The following LARGE1 variants were observed in gnomAD, a reference collection of about 807,000 sequenced individuals.
The protein encoded by LARGE1 is LARGE xylosyl- and glucuronyltransferase 1, also known as xylosyl- and glucuronyltransferase LARGE1.
LARGE1 carries 43 observed loss-of-function variants against 87.6 expected under a neutral mutation model. The observed-to-expected ratio is 0.49, with a 90% confidence interval of 0.38 to 0.63. The LOEUF (loss-of-function observed/expected upper bound fraction) is 0.63. LARGE1 is among the 30% of genes least tolerant of loss of function. The probability of loss-of-function intolerance (pLI) is 0.00; values close to 1 mark genes in which losing one functional copy is unlikely to be tolerated. For missense variants in LARGE1, 802 were observed against 1,000.2 expected (o/e 0.80, Z 2.67); for synonymous variants, 434 against 394.6 (o/e 1.10, Z -1.18).
At chr22:33,700,446 A>G (rs1375589859) in intron 2 of LARGE1, among the ~76,000 whole-genome samples, 1 of 152,174 alleles carries the variant, frequency 6.6e-6, no homozygotes, top group Non-Finnish European at 1.5e-5. Context: ...CACAATCCAA[A>G]GTGGTATGTG....
At position 33,197,285 on chromosome 22, in the gene LARGE1, C is replaced by A. The variant is rs112041276; in HGVS notation, c.1731-30453G>T. Among the ~76,000 whole-genome samples the A allele has an allele frequency of 1.6e-3, 249 of 152,108 alleles. 1 individual carries two copies. Among genetic ancestry groups the A allele is most frequent in the African/African-American group, 5.8e-3 (240 of 41,522 alleles). On this transcript the variant is annotated intron_variant, in intron 11 of 11. Transcript: ENST00000608642. ...TTCGATTTTGTATAAGAGGTTCCAG[C>A]AGTGCAGTAAGGCAAAGATACATAA...
chr22:33,886,973 T>C (rs767052733), intron 1 of LARGE1, among the ~76,000 whole-genome samples: 5 of 151,924 alleles, frequency 3.3e-5, no homozygotes, highest in Non-Finnish European at 7.4e-5. Context: ...GCTTTACAAA[T>C]ACAGAAGGCA....
chr22:33,470,257 A>G (rs1009525050), intron 6 of LARGE1, among the ~76,000 whole-genome samples: 1 of 152,124 alleles, frequency 6.6e-6, no homozygotes, highest in Non-Finnish European at 1.5e-5. Flanking sequence ...TAATTTACTT[A>G]TATCACAAAC....
At chr22:33,300,211 C>T (rs1476363163) in intron 12 of LARGE1, among the ~76,000 whole-genome samples, 1 of 152,160 alleles carries the variant, frequency 6.6e-6, no homozygotes, top group African/African-American at 2.4e-5. Context: ...TCCTCTAATG[C>T]TAACATTTAA....
Position 33,304,297 on chromosome 22 carries a change from G to A in LARGE1, c.1662C>T (p.Ile554=). 2 of 1,614,272 alleles carry A rather than the reference G, an allele frequency of 1.2e-6. No homozygotes were observed. The highest frequency in any genetic ancestry group is 1.7e-6 in the Non-Finnish European group (2 of 1,180,044). The change falls in exon 12 of 15, where the codon ATC becomes ATT. Residue 554 remains isoleucine (I), a synonymous_variant. Transcript: ENST00000397394. ...CAGACAGGAACATGTAGGGAGTGCTGATGTGCTTCATGGCCACGTTGCGCA... is the reference window on the plus strand; with the variant it reads ...CAGACAGGAACATGTAGGGAGTGCTAATGTGCTTCATGGCCACGTTGCGCA... ...NLLRNVAMKH[I]STPYMFLSDI...
At position 33,780,144 on chromosome 22, in the gene LARGE1, C is replaced by T. The variant is rs937475339; in HGVS notation, c.-82-18586G>A. On this transcript the variant is annotated intron_variant, in intron 1 of 14. Transcript: ENST00000397394. ...CGCGACATTGTGCCTGTGTGCACGT[C>T]TGTGTCCAAACTTCCCGTTACAAGG... 2.6e-5 allele frequency among the ~76,000 whole-genome samples: 4 copies of T among 152,316 alleles called. No homozygotes were observed. In the East Asian group the frequency reaches 7.7e-4, roughly 29 times the overall value.
chr22:33,861,914 A>G (rs1036527353), intron 1 of LARGE1, among the ~76,000 whole-genome samples: 31 of 131,244 alleles, frequency 2.4e-4, no homozygotes, highest in Non-Finnish European at 4.1e-4. Context: ...CCCAGGCTGG[A>G]GTGGCATGAT....
At chr22:33,175,559 C>T (rs567035796) in intron 11 of LARGE1, among the ~76,000 whole-genome samples, 1 of 152,016 alleles carries the variant, frequency 6.6e-6, no homozygotes, top group Non-Finnish European at 1.5e-5. Context: ...TTCACAATTG[C>T]TACAAAGAGA....
At chr22:33,468,346 A>G (rs565439256) in intron 6 of LARGE1, among the ~76,000 whole-genome samples, 2 of 152,322 alleles carry the variant, frequency 1.3e-5, no homozygotes, top group South Asian at 2.1e-4. Flanking sequence ...TGATGCCTCT[A>G]GTCCCAGTCC....
chr22:33,398,935 T>C (rs1245045076), intron 7 of LARGE1, among the ~76,000 whole-genome samples: 1 of 152,178 alleles, frequency 6.6e-6, no homozygotes, highest in African/African-American at 2.4e-5. Flanking sequence ...CACCTTCACA[T>C]GGACTTCTAG....
chr22:33,819,153 A>G (rs1289495342), intron 1 of LARGE1, among the ~76,000 whole-genome samples: 2 of 152,178 alleles, frequency 1.3e-5, no homozygotes, highest in Non-Finnish European at 2.9e-5. Context: ...ACCACTTCAG[A>G]GTTCACACGG....
chr22:33,759,962 T>G (rs556502010), intron 2 of LARGE1, among the ~76,000 whole-genome samples: 1 of 152,226 alleles, frequency 6.6e-6, no homozygotes, highest in Non-Finnish European at 1.5e-5. Context: ...GCCTCGGCAC[T>G]GGGCTGAGCA....
At chr22:33,450,341 T>C (rs1412066494) in intron 6 of LARGE1, among the ~76,000 whole-genome samples, 1 of 150,952 alleles carries the variant, frequency 6.6e-6, no homozygotes. Context: ...AGAACTCCAA[T>C]ATAAAGAGGA....
chr22:33,739,980 G>C (rs2083816823), intron 2 of LARGE1, among the ~76,000 whole-genome samples: 1 of 152,210 alleles, frequency 6.6e-6, no homozygotes, highest in Non-Finnish European at 1.5e-5. Flanking sequence ...TTTGAGAGCT[G>C]AGGCACTGTG....
chr22:33,447,859 T>C (rs568130167), intron 6 of LARGE1, among the ~76,000 whole-genome samples: 2 of 151,998 alleles, frequency 1.3e-5, no homozygotes, highest in Admixed American at 6.6e-5. Context: ...CTGGAGCTGG[T>C]GTGTGGAAAG....
intron 3 of LARGE1, among the ~76,000 whole-genome samples, chr22:33,634,050 T>C (rs943640910): frequency 2.0e-4 from 30 of 152,222 alleles, no homozygotes; most frequent in African/African-American, 6.0e-4. Flanking sequence ...TTGGGTTGTG[T>C]CAGGATCAAA....
chr22:33,488,070 TCAAA>T (rs1422516412), intron 6 of LARGE1, among the ~76,000 whole-genome samples: 3 of 152,172 alleles, frequency 2.0e-5, no homozygotes, highest in Non-Finnish European at 4.4e-5. Context: ...AGTTCTGGGG[TCAAA>T]CACTTTGCTG....
chr22:33,586,097 G>A (rs1465350682), intron 5 of LARGE1, among the ~76,000 whole-genome samples: 1 of 152,352 alleles, frequency 6.6e-6, no homozygotes, highest in East Asian at 1.9e-4. Flanking sequence ...AGTAAGTGGG[G>A]AAGGTCCCAG....
chr22:33,779,233 C>G (rs4820112), intron 1 of LARGE1, among the ~76,000 whole-genome samples: 42,763 of 152,064 alleles, frequency 0.28, 6,635 homozygotes, highest in South Asian at 0.41. Context: ...ACACAAGGAA[C>G]GGTGGTTATT....
Sources: allele counts gnomAD v4.1 joint callset (sites outside exome capture counted in the v4.1 genomes callset), GRCh38; gene constraint gnomAD v4.1.1; transcripts MANE v1.5; gene names NCBI Gene and HGNC (gene_info 2026-07-23, HGNC 2026-07-21).